Variants in TENM3 observed in about 807,000 individuals in gnomAD.
TENM3 encodes the protein teneurin-3.
In TENM3, 63 loss-of-function variants were observed where a neutral mutation model predicts 255.1. The ratio of observed to expected loss-of-function variants is 0.25; its 90% CI spans 0.20 to 0.30. TENM3 has a LOEUF of 0.30. TENM3 is among the 10% of genes least tolerant of loss of function. The pLI is 1.00. For missense variants in TENM3, 2,929 were observed against 3,461.1 expected (o/e 0.85, Z 3.86); for synonymous variants, 1,306 against 1,322.3 (o/e 0.99, Z 0.27).
intron 18 of TENM3, among the ~76,000 whole-genome samples, chr4:182,740,977 G>C (rs1167069613): frequency 6.6e-6 from 1 of 152,120 alleles, no homozygotes; most frequent in African/African-American, 2.4e-5. Context: ...AGGAGTTCCA[G>C]ACCAGCCTGG....
the TENM3 span, among the ~76,000 whole-genome samples, chr4:181,686,331 C>T: frequency 1.3e-5 from 2 of 152,118 alleles, no homozygotes; most frequent in Non-Finnish European, 2.9e-5. Context: ...AGAATACTTT[C>T]GAAATCTTCT....
At chr4:182,742,665 A>G (rs758829541) in intron 18 of TENM3, among the ~76,000 whole-genome samples, 1 of 152,220 alleles carries the variant, frequency 6.6e-6, no homozygotes, top group Admixed American at 6.5e-5. Flanking sequence ...TTGATTAACA[A>G]TGAGGCAAAC....
intron 1 of TENM3, among the ~76,000 whole-genome samples, chr4:182,223,620 T>C (rs144683416): frequency 6.6e-6 from 1 of 152,226 alleles, no homozygotes; most frequent in East Asian, 1.9e-4. Context: ...TTATCTCCTT[T>C]ATATAAATGA....
chr4:182,320,027 C>G (rs762043575), intron 1 of TENM3, among the ~76,000 whole-genome samples: 18 of 151,930 alleles, frequency 1.2e-4, no homozygotes, highest in African/African-American at 4.1e-4. Flanking sequence ...GTGGGAGAAT[C>G]GCTTGAACAA....
chr4:182,263,307 G>T (rs1018553703), intron 1 of TENM3, among the ~76,000 whole-genome samples: 4 of 152,066 alleles, frequency 2.6e-5, no homozygotes, highest in Non-Finnish European at 5.9e-5. Context: ...TGGGTTAGTG[G>T]CCCATCTTAG....
chr4:182,797,632 C>T (rs1238928089), intron 27 of TENM3, among the ~76,000 whole-genome samples: 4 of 151,932 alleles, frequency 2.6e-5, no homozygotes, highest in Admixed American at 1.3e-4. Context: ...TCAAAGCTGC[C>T]GCTTCAGAAA....
At chr4:181,549,507 C>T in the TENM3 span, among the ~76,000 whole-genome samples, 15 of 152,348 alleles carry the variant, frequency 9.8e-5, no homozygotes, top group South Asian at 3.1e-3. Context: ...CTGTGTTAGG[C>T]CAAGCTCTGT....
the TENM3 span, among the ~76,000 whole-genome samples, chr4:181,466,037 C>T: frequency 6.6e-6 from 1 of 152,082 alleles, no homozygotes; most frequent in African/African-American, 2.4e-5. Context: ...TTCAAGCAAT[C>T]ACTTGGAATT....
the TENM3 span, among the ~76,000 whole-genome samples, chr4:181,618,644 A>C: frequency 6.6e-6 from 1 of 152,338 alleles, no homozygotes; most frequent in South Asian, 2.1e-4. Flanking sequence ...TTTCATTGCA[A>C]AGGGAAAGCC....
the TENM3 span, among the ~76,000 whole-genome samples, chr4:181,754,578 A>C: frequency 4.6e-5 from 7 of 152,304 alleles, no homozygotes; most frequent in Non-Finnish European, 8.8e-5. Flanking sequence ...AAGTGCCGTT[A>C]ACAAAGGAAT....
At chr4:182,315,008 G>T (rs1379434664) in intron 1 of TENM3, among the ~76,000 whole-genome samples, 1 of 152,064 alleles carries the variant, frequency 6.6e-6, no homozygotes, top group Middle Eastern at 3.2e-3. Flanking sequence ...AACACTGTCT[G>T]CCTTGACGTG....
At chr4:181,605,580 GA>G in the TENM3 span, among the ~76,000 whole-genome samples, 1 of 31,278 alleles carries the variant, frequency 3.2e-5, no homozygotes, top group Non-Finnish European at 9.9e-5. Flanking sequence ...GAGAGAGAAA[GA>G]AAGGAAAGAA....
intron 22 of TENM3, among the ~76,000 whole-genome samples, chr4:182,766,078 G>A (rs1181162393): frequency 6.6e-6 from 1 of 152,168 alleles, no homozygotes; most frequent in African/African-American, 2.4e-5. Flanking sequence ...CTAGAAGCCT[G>A]GCACAGCCCT....
chr4:181,607,498 T>A, the TENM3 span, among the ~76,000 whole-genome samples: 1 of 151,370 alleles, frequency 6.6e-6, no homozygotes, highest in African/African-American at 2.4e-5. Flanking sequence ...CACTGCAACC[T>A]CCACCTCCTG....
intron 3 of TENM3, among the ~76,000 whole-genome samples, chr4:182,425,508 A>G (rs1771137441): frequency 6.6e-6 from 1 of 152,118 alleles, no homozygotes; most frequent in Admixed American, 6.5e-5. Context: ...CTTGGAGGAA[A>G]TTTTTCCGTT....
chr4:181,555,264 G>C, the TENM3 span, among the ~76,000 whole-genome samples: 1 of 152,120 alleles, frequency 6.6e-6, no homozygotes, highest in Non-Finnish European at 1.5e-5. Flanking sequence ...TCGCAGACTG[G>C]TGCAACGCCA....
intron 6 of TENM3, among the ~76,000 whole-genome samples, chr4:182,665,070 A>G (rs1754551567): frequency 6.6e-6 from 1 of 152,232 alleles, no homozygotes; most frequent in Non-Finnish European, 1.5e-5. Flanking sequence ...AGAAGATGCC[A>G]TCTAGGGTTT....
intron 3 of TENM3, among the ~76,000 whole-genome samples, chr4:182,435,487 G>A (rs1331371556): frequency 6.6e-6 from 1 of 152,172 alleles, no homozygotes; most frequent in Non-Finnish European, 1.5e-5. Flanking sequence ...AGACCCAAGT[G>A]TTAAGATGCT....
intron 3 of TENM3, among the ~76,000 whole-genome samples, chr4:182,514,492 G>T (rs372804278): frequency 6.6e-6 from 1 of 152,172 alleles, no homozygotes; most frequent in East Asian, 1.9e-4. Context: ...ATGAAGATGT[G>T]TCCTGAACAG....
Sources: gnomAD v4.1 joint callset for allele counts (sites outside exome capture counted in the v4.1 genomes callset) on GRCh38, gnomAD v4.1.1 for gene constraint, MANE v1.5 for transcripts, NCBI Gene and HGNC (gene_info 2026-07-23, HGNC 2026-07-21) for gene names.